The following TTC19 variants were observed in gnomAD, a reference collection of about 807,000 sequenced individuals.
TTC19 encodes tetratricopeptide repeat protein 19, mitochondrial.
A neutral mutation model predicts 49.5 loss-of-function variants in TTC19; 38 were observed. The ratio of observed to expected loss-of-function variants is 0.77; its 90% CI spans 0.59 to 1.01. TTC19 has a LOEUF of 1.01. TTC19 is among the 50% of genes least tolerant of loss of function. TTC19 has a pLI of 0.00. For missense variants in TTC19, 475 were observed against 477.7 expected (o/e 0.99, Z 0.05); for synonymous variants, 204 against 185.2 (o/e 1.10, Z -0.83).
chr17:16,042,065 G>T (rs1222568158), intron 2 of TTC19, among the ~76,000 whole-genome samples: 4 of 152,144 alleles, frequency 2.6e-5, no homozygotes, highest in Admixed American at 1.3e-4. Flanking sequence ...GACCACAGAA[G>T]GATGGACTCT....
In TTC19 at chr17:15,999,841, G is replaced by A; in HGVS notation, c.-8G>A. Reference sequence around the variant, plus strand: ...TGGCCTGCAGTGCGCAGAGGACGCGGCGGGAGCATGTTCCGGCTCCTGAGC... The same window carrying A: ...TGGCCTGCAGTGCGCAGAGGACGCGACGGGAGCATGTTCCGGCTCCTGAGC... On this transcript the variant is annotated 5_prime_UTR_variant, in exon 1 of 10. Transcript: ENST00000261647. The A allele has an allele frequency of 6.5e-7, 1 of 1,528,576 alleles. No homozygotes were observed. The highest frequency in any genetic ancestry group is 2.5e-5 in the East Asian group (1 of 40,130). 94.7% of individuals were successfully genotyped at this position (1,528,576 alleles called of 1,614,324 possible).
chr17:16,032,480 G>A, downstream of TTC19: 1 of 1,564,654 alleles, frequency 6.4e-7, no homozygotes, highest in Non-Finnish European at 8.6e-7. Flanking sequence ...AAACTGAGTT[G>A]AGCCTGACAA....
intron 2 of TTC19, chr17:16,040,415 G>C: frequency 6.2e-7 from 1 of 1,607,816 alleles, no homozygotes; most frequent in Non-Finnish European, 8.5e-7. Flanking sequence ...ATTTTGTATT[G>C]GTAAATAATG....
At chr17:16,010,553 C>T (rs1971039827) in intron 7 of TTC19, among the ~76,000 whole-genome samples, 1 of 151,758 alleles carries the variant, frequency 6.6e-6, no homozygotes, top group African/African-American at 2.4e-5. Context: ...CGGCTCACTG[C>T]AACCTCTGCC....
chr17:16,044,948 G>C, exon 3 of TTC19: 1 of 567,398 alleles, frequency 1.8e-6, no homozygotes, highest in South Asian at 1.7e-5. Context: ...TGGGCTTTTG[G>C]TTGTTTTGAC....
chr17:16,035,092 C>T (rs1973955430), intron 2 of TTC19: 2 of 744,576 alleles, frequency 2.7e-6, no homozygotes, highest in South Asian at 2.0e-5. Flanking sequence ...TAAAATACTA[C>T]AGGCATACCT....
At chr17:16,006,349 G>A in intron 6 of TTC19, 125 bp from the exon 7 acceptor site, 1 of 738,876 alleles carries the variant, frequency 1.4e-6, no homozygotes, top group South Asian at 1.4e-5. Context: ...GGTGGAGGTT[G>A]CTCTGAGCCG....
At chr17:16,041,274 G>C (rs912447874) in intron 2 of TTC19, 1 of 152,148 alleles carries the variant, frequency 6.6e-6, no homozygotes, top group Non-Finnish European at 1.5e-5. Context: ...GTGCCAGAAA[G>C]GGGAAGAATT....
intron 2 of TTC19, among the ~76,000 whole-genome samples, chr17:16,036,938 C>A (rs1047251753): frequency 2.0e-5 from 3 of 152,246 alleles, no homozygotes; most frequent in Non-Finnish European, 2.9e-5. Context: ...CTGTTTGGCA[C>A]ATGAGGTCTA....
At chr17:16,035,074 CAATG>C in intron 2 of TTC19, 1 of 843,596 alleles carries the variant, frequency 1.2e-6, no homozygotes, top group Non-Finnish European at 1.8e-6. Flanking sequence ...TCCTGGTACT[CAATG>C]AAATAAAATA....
Position 16,028,899 on chromosome 17 carries a change from A to G in TTC19, c.*1377A>G, listed in dbSNP as rs1453866106. 1 of 418,752 alleles carries G rather than the reference A, an allele frequency of 2.4e-6. No individual in the cohort carries two copies. Among genetic ancestry groups the G allele is most frequent in the African/African-American group, 2.1e-5 (1 of 47,326 alleles). The allele number at this position is 418,752 out of a possible 1,614,324, so 25.9% of individuals were successfully genotyped here. Reference sequence around the variant, plus strand: ...AACCTTGAGGTCCAAATCCTCAGGGATTAGACTAAAACTAGAGTTTTGTAT... The same window carrying G: ...AACCTTGAGGTCCAAATCCTCAGGGGTTAGACTAAAACTAGAGTTTTGTAT... On this transcript the variant is annotated 3_prime_UTR_variant, in exon 10 of 10. Coordinates refer to ENST00000261647, the MANE Select transcript of TTC19 (RefSeq NM_017775.4).
intron 2 of TTC19, chr17:16,034,817 A>G (rs1378012526): frequency 6.2e-7 from 1 of 1,614,062 alleles, no homozygotes; most frequent in Non-Finnish European, 8.5e-7. Flanking sequence ...GCCTATGGTA[A>G]TCCCCTTCTG....
chr17:16,037,817 G>C (rs555647805), intron 2 of TTC19, among the ~76,000 whole-genome samples: 37 of 152,308 alleles, frequency 2.4e-4, no homozygotes, highest in African/African-American at 7.9e-4. Flanking sequence ...TTTCACAGAA[G>C]TGAGACACCT....
downstream of TTC19, among the ~76,000 whole-genome samples, chr17:16,032,923 C>T (rs1972509691): frequency 6.6e-6 from 1 of 152,206 alleles, no homozygotes; most frequent in Non-Finnish European, 1.5e-5. Context: ...TGCAAGTCAT[C>T]TGCTGAATCT....
chr17:16,029,033 CAG>C lies in TTC19; in HGVS notation c.*1513_*1514del, dbSNP rs1971729350. ...CAGAGAGATAAGATACAATATAAAT[CAG>C]ACTGTTTCAGTAGAAACCAGTATTA... On this transcript the variant is annotated 3_prime_UTR_variant, in exon 10 of 10. Coordinates refer to ENST00000261647, the MANE Select transcript of TTC19 (RefSeq NM_017775.4). 4.4e-6 allele frequency: 2 copies of C among 449,762 alleles called. No homozygotes were observed. The highest frequency in any genetic ancestry group is 3.2e-5 in the South Asian group (2 of 62,890). The allele number at this position is 449,762 out of a possible 1,614,324, so 27.9% of individuals were successfully genotyped here. A position where few individuals can be genotyped will look rare whatever the true frequency, so the allele number is the denominator to read the frequency against.
rs1414247727 is a variant in TTC19 at position 16,006,498 on chromosome 17, TG to T, written c.607del (p.Glu203AsnfsTer7). ...NRQEFAVAGY[E>X]FCISTLEEKI... ...GACAGGAATTTGCTGTTGCTGGCTATGAATTCTGCATTTCAACTCTAGAGGA... is the reference window on the plus strand; with the variant it reads ...GACAGGAATTTGCTGTTGCTGGCTATAATTCTGCATTTCAACTCTAGAGGA... On this transcript the variant is annotated frameshift_variant, in exon 7 of 10. Transcript: ENST00000261647. LOFTEE classifies it high-confidence loss of function. The T allele has an allele frequency of 1.2e-6, 2 of 1,613,288 alleles. No homozygotes were observed. Among genetic ancestry groups the T allele is most frequent in the Non-Finnish European group, 1.7e-6 (2 of 1,179,344 alleles).
chr17:16,042,997 G>A (rs1231277879), intron 2 of TTC19, among the ~76,000 whole-genome samples: 2 of 152,126 alleles, frequency 1.3e-5, no homozygotes, highest in African/African-American at 4.8e-5. Flanking sequence ...GGGCTAAGAA[G>A]TGAGCCCTGG....
downstream of TTC19, chr17:16,032,558 G>A: frequency 7.3e-7 from 1 of 1,365,448 alleles, no homozygotes; most frequent in Non-Finnish European, 9.9e-7. Flanking sequence ...TTTGTAGGAT[G>A]GAGTAGAATA....
chr17:16,031,826 GGTT>G (rs1972055342), downstream of TTC19: 1 of 232,172 alleles, frequency 4.3e-6, no homozygotes, highest in South Asian at 1.8e-4. Flanking sequence ...GGCTGTATGA[GGTT>G]GTTTAGAAGG....
Sources: allele counts gnomAD v4.1 joint callset (sites outside exome capture counted in the v4.1 genomes callset), GRCh38; gene constraint gnomAD v4.1.1; transcripts MANE v1.5; gene names NCBI Gene and HGNC (gene_info 2026-07-23, HGNC 2026-07-21).